The following BRINP3 variants were observed in gnomAD, a reference collection of about 807,000 sequenced individuals.
BRINP3 encodes BMP/retinoic acid-inducible neural-specific protein 3.
Under a neutral mutation model 71.0 loss-of-function variants are expected in BRINP3, and 19 were observed. The observed-to-expected ratio is 0.27, with a 90% CI of 0.19 to 0.39. The LOEUF (loss-of-function observed/expected upper bound fraction) is 0.39. Ranked by LOEUF, BRINP3 falls within the 10% of genes least tolerant of loss-of-function variation. The pLI is 1.00. For synonymous variants in BRINP3, 380 were observed against 337.7 expected (o/e 1.13, Z -1.37); for missense variants, 959 against 940.8 (o/e 1.02, Z -0.25).
chr1:190,462,434 C>T (rs1251784819), intron 1 of BRINP3, among the ~76,000 whole-genome samples: 2 of 151,848 alleles, frequency 1.3e-5, no homozygotes, highest in African/African-American at 2.4e-5. Flanking sequence ...AACCAAAATC[C>T]CCCTCTAATT....
intron 7 of BRINP3, among the ~76,000 whole-genome samples, chr1:190,138,318 G>A (rs571309361): frequency 6.6e-6 from 1 of 152,240 alleles, no homozygotes; most frequent in African/African-American, 2.4e-5. Context: ...TTAGTGTTAT[G>A]AGAATCTTTA....
intron 7 of BRINP3, among the ~76,000 whole-genome samples, chr1:190,159,274 T>C (rs1243065571): frequency 2.0e-5 from 3 of 152,038 alleles, no homozygotes; most frequent in Non-Finnish European, 4.4e-5. Context: ...CTGGTGAAAA[T>C]ATAAAATGGT....
intron 2 of BRINP3, among the ~76,000 whole-genome samples, chr1:190,345,097 G>A (rs908266615): frequency 6.6e-6 from 1 of 151,706 alleles, no homozygotes. Context: ...GTTTAGTCAG[G>A]GTCCTTGTTC....
chr1:190,362,186 A>G (rs756146157), intron 2 of BRINP3: 7 of 152,180 alleles, frequency 4.6e-5, no homozygotes, highest in African/African-American at 1.7e-4. Flanking sequence ...TCAAAGAAAC[A>G]AAAGTCTATT....
At chr1:190,292,679 A>C (rs531153147) in intron 2 of BRINP3, among the ~76,000 whole-genome samples, 1 of 152,068 alleles carries the variant, frequency 6.6e-6, no homozygotes, top group Non-Finnish European at 1.5e-5. Context: ...CAGAAGAGTA[A>C]AGTCTATTTT....
At chr1:190,241,886 T>C (rs1444768148) in intron 4 of BRINP3, among the ~76,000 whole-genome samples, 2 of 151,656 alleles carry the variant, frequency 1.3e-5, no homozygotes, top group Non-Finnish European at 2.9e-5. Context: ...AAAATATATA[T>C]TTTCCCTTCA....
chr1:190,299,472 G>C (rs1323480995), intron 2 of BRINP3, among the ~76,000 whole-genome samples: 4 of 150,646 alleles, frequency 2.7e-5, no homozygotes, highest in African/African-American at 9.8e-5. Context: ...TAGGGTACAT[G>C]TGCACAATGT....
intron 7 of BRINP3, among the ~76,000 whole-genome samples, chr1:190,156,881 G>A (rs1001546117): frequency 6.6e-6 from 1 of 151,946 alleles, no homozygotes; most frequent in East Asian, 1.9e-4. Flanking sequence ...AGTTTGAACT[G>A]GGATTTCAGC....
intron 6 of BRINP3, among the ~76,000 whole-genome samples, chr1:190,208,488 G>T (rs1006560905): frequency 7.9e-5 from 12 of 151,796 alleles, no homozygotes; most frequent in African/African-American, 2.9e-4. Context: ...TTATTTGTTT[G>T]TTTATTTATT....
chr1:190,299,863 A>T (rs1558158749), intron 2 of BRINP3, among the ~76,000 whole-genome samples: 2 of 151,992 alleles, frequency 1.3e-5, no homozygotes, highest in Non-Finnish European at 2.9e-5. Flanking sequence ...TTCTTTAAGA[A>T]TGTTGAATAT....
chr1:190,419,637 A>T (rs954931981), intron 2 of BRINP3, among the ~76,000 whole-genome samples: 1 of 151,524 alleles, frequency 6.6e-6, no homozygotes, highest in Non-Finnish European at 1.5e-5. Context: ...TTTCTCATAC[A>T]TTTTCTCTGT....
intron 3 of BRINP3, among the ~76,000 whole-genome samples, chr1:190,278,346 A>T (rs1441571350): frequency 6.6e-6 from 1 of 151,612 alleles, no homozygotes; most frequent in East Asian, 1.9e-4. Context: ...TGGAGGGATT[A>T]GTTCAATTTA....
At chr1:190,130,264 CTT>C (rs1421399794) in intron 7 of BRINP3, among the ~76,000 whole-genome samples, 1 of 151,924 alleles carries the variant, frequency 6.6e-6, no homozygotes, top group Non-Finnish European at 1.5e-5. Context: ...TCATGCTGCT[CTT>C]TGAAAAATCA....
intron 6 of BRINP3, among the ~76,000 whole-genome samples, chr1:190,209,608 T>C (rs953573666): frequency 2.0e-5 from 3 of 152,172 alleles, no homozygotes; most frequent in Non-Finnish European, 4.4e-5. Flanking sequence ...TTGTATTATG[T>C]ATCAATTTCA....
chr1:190,211,002 C>A (rs1343870181), intron 6 of BRINP3, among the ~76,000 whole-genome samples: 1 of 152,060 alleles, frequency 6.6e-6, no homozygotes, highest in East Asian at 1.9e-4. Flanking sequence ...GGATTTATAC[C>A]AGTGATTTGC....
At chr1:190,384,289 G>A (rs1670741479) in intron 2 of BRINP3, among the ~76,000 whole-genome samples, 1 of 151,510 alleles carries the variant, frequency 6.6e-6, no homozygotes, top group Admixed American at 6.6e-5. Context: ...ATACAAAATA[G>A]GGTGAAGATA....
chr1:190,461,858 C>T (rs1676420708), intron 1 of BRINP3, among the ~76,000 whole-genome samples: 1 of 152,042 alleles, frequency 6.6e-6, no homozygotes, highest in Non-Finnish European at 1.5e-5. Flanking sequence ...ATTTTTAAGA[C>T]CAGATTGTAA....
Position 190,451,993 on chromosome 1 carries a change from G to C in BRINP3, c.236+2662C>G, listed in dbSNP as rs1376443131. Among the ~76,000 whole-genome samples, 3 of 152,314 alleles carry C rather than the reference G, an allele frequency of 2.0e-5. No homozygotes were observed. The East Asian group carries it at 5.8e-4, about 29-fold the overall frequency. ...TGTCAATGCAATATTCCCCTAGAATGTGTTGATGATAGTAATAATAAGCAC... is the reference window on the plus strand; with the variant it reads ...TGTCAATGCAATATTCCCCTAGAATCTGTTGATGATAGTAATAATAAGCAC... On this transcript the variant is annotated intron_variant, in intron 2 of 7. Coordinates refer to ENST00000367462, the MANE Select transcript of BRINP3 (RefSeq NM_199051.3).
At chr1:190,410,207 C>T (rs1029336336) in intron 2 of BRINP3, among the ~76,000 whole-genome samples, 1 of 152,070 alleles carries the variant, frequency 6.6e-6, no homozygotes, top group Non-Finnish European at 1.5e-5. Flanking sequence ...TTAAACCATG[C>T]GTGTAGTACA....
Sources: gnomAD v4.1 joint callset for allele counts (sites outside exome capture counted in the v4.1 genomes callset) on GRCh38, gnomAD v4.1.1 for gene constraint, MANE v1.5 for transcripts, NCBI Gene and HGNC (gene_info 2026-07-23, HGNC 2026-07-21) for gene names.